The following SORBS2 variants were observed in gnomAD, a reference collection of about 807,000 sequenced individuals.
SORBS2 encodes the protein sorbin and SH3 domain-containing protein 2.
In SORBS2, 46 loss-of-function variants were observed where a neutral mutation model predicts 97.7. The observed-to-expected ratio is 0.47, with a 90% CI of 0.37 to 0.60. The LOEUF (loss-of-function observed/expected upper bound fraction) is 0.60, where lower values mean the gene tolerates loss of function less well. Ranked by LOEUF, SORBS2 falls within the 20% of genes least tolerant of loss-of-function variation. The pLI, the probability that SORBS2 is intolerant of heterozygous loss-of-function variation, is 0.00. For synonymous variants in SORBS2, 476 were observed against 473.4 expected, an observed-to-expected ratio of 1.01 and a Z score of -0.07; for missense variants, 1,316 against 1,282.3, an observed-to-expected ratio of 1.03 and a Z score of -0.40.
chr4:185,884,233 T>A (rs142945432), intron 1 of SORBS2, among the ~76,000 whole-genome samples: 1 of 152,356 alleles, frequency 6.6e-6, no homozygotes, highest in African/African-American at 2.4e-5. Flanking sequence ...GGCATGTTTA[T>A]AGATCCTATA....
chr4:185,919,832 A>G (rs975218060), intron 1 of SORBS2, among the ~76,000 whole-genome samples: 1 of 152,246 alleles, frequency 6.6e-6, no homozygotes, highest in Non-Finnish European at 1.5e-5. Flanking sequence ...TTTTCATGCC[A>G]TGCATCTCTG....
chr4:185,926,151 C>G (rs549821584), intron 1 of SORBS2, among the ~76,000 whole-genome samples: 102 of 152,214 alleles, frequency 6.7e-4, no homozygotes, highest in Admixed American at 3.1e-3. Context: ...TCACGTGAAA[C>G]AAATGGAGGA....
intron 1 of SORBS2, among the ~76,000 whole-genome samples, chr4:185,783,827 C>T (rs1292173325): frequency 2.6e-5 from 4 of 152,140 alleles, no homozygotes; most frequent in African/African-American, 7.2e-5. Context: ...AGAATTCCTT[C>T]GAGGATCATT....
intron 2 of SORBS2, among the ~76,000 whole-genome samples, chr4:185,746,112 G>T (rs995227036): frequency 7.9e-5 from 12 of 152,200 alleles, no homozygotes; most frequent in African/African-American, 2.9e-4. Flanking sequence ...AGATTTACAG[G>T]AGACAATGTT....
chr4:185,620,929 TA>T (rs1374926137), intron 7 of SORBS2, among the ~76,000 whole-genome samples: 2 of 152,206 alleles, frequency 1.3e-5, no homozygotes, highest in African/African-American at 4.8e-5. Flanking sequence ...AAAGCATAAA[TA>T]ATCACATTAC....
At position 185,651,965 on chromosome 4, in the gene SORBS2, CT is replaced by C. The variant is rs1390880849; in HGVS notation, c.91+696del. 1.5e-5 allele frequency: 9 copies of C among 603,092 alleles called. 1 individual carries two copies. The South Asian group carries it at 1.6e-4, about 11-fold the overall frequency. 37.4% of individuals were successfully genotyped at this position (603,092 alleles called of 1,614,324 possible). ...CCTAGTTCATAATGCCATTTTCTTT[CT>C]TTTTTTCTTTTTTTTTAAGAGACAG... On this transcript the variant is annotated intron_variant, in intron 2 of 14. Transcript: ENST00000418609.
At chr4:185,702,184 A>G (rs1336319227) in intron 2 of SORBS2, among the ~76,000 whole-genome samples, 3 of 152,146 alleles carry the variant, frequency 2.0e-5, no homozygotes, top group African/African-American at 7.2e-5. Context: ...TACAGAAAAG[A>G]GGGTTATTTG....
At chr4:185,741,401 TTTG>T (rs2098724898) in intron 2 of SORBS2, among the ~76,000 whole-genome samples, 3 of 115,434 alleles carry the variant, frequency 2.6e-5, no homozygotes, top group African/African-American at 6.8e-5. Flanking sequence ...TTCTTTTTTT[TTTG>T]TTTTTTTTTT....
At chr4:185,620,127 G>A (rs556253484) in exon 8 of SORBS2, 1 of 1,611,606 alleles carries the variant, frequency 6.2e-7, no homozygotes, top group South Asian at 1.1e-5. Flanking sequence ...CAAAGTGGAT[G>A]AGTAACTTCT....
chr4:185,705,757 G>C (rs73015508), intron 2 of SORBS2, among the ~76,000 whole-genome samples: 2,103 of 152,234 alleles, frequency 0.014, 61 homozygotes, highest in African/African-American at 0.048. Context: ...CCATCGTGAA[G>C]TGGTTTGTCA....
At chr4:185,641,323 C>T (rs191168922) in intron 4 of SORBS2, among the ~76,000 whole-genome samples, 24 of 151,964 alleles carry the variant, frequency 1.6e-4, no homozygotes, top group Non-Finnish European at 3.4e-4. Context: ...TGGTAATTAT[C>T]GATAACTTTG....
chr4:185,858,261 G>A, intron 1 of SORBS2, among the ~76,000 whole-genome samples: 1 of 152,188 alleles, frequency 6.6e-6, no homozygotes, highest in East Asian at 1.9e-4. Flanking sequence ...TATAGGAAGA[G>A]GAAGAGAGAC....
intron 4 of SORBS2, among the ~76,000 whole-genome samples, chr4:185,673,046 T>C (rs761756838): frequency 3.9e-5 from 6 of 152,122 alleles, no homozygotes; most frequent in Non-Finnish European, 7.4e-5. Context: ...TTAAAAAAGA[T>C]GGATGTCCTG....
At chr4:185,661,114 T>TA (rs1183630425), upstream of SORBS2, among the ~76,000 whole-genome samples, 1 of 151,734 alleles carries the variant, frequency 6.6e-6, no homozygotes, top group East Asian at 1.9e-4. Flanking sequence ...CTGTCTGTAC[T>TA]AAAAATACAA....
intron 2 of SORBS2, among the ~76,000 whole-genome samples, chr4:185,707,278 G>C (rs1415659798): frequency 6.6e-6 from 1 of 152,188 alleles, no homozygotes; most frequent in African/African-American, 2.4e-5. Context: ...AGTGAGTGAA[G>C]CTTGGGAATG....
At chr4:185,811,570 A>G (rs1371075878) in intron 1 of SORBS2, 94 bp downstream of exon 1, 2 of 152,222 alleles carry the variant, frequency 1.3e-5, no homozygotes, top group African/African-American at 4.8e-5. Flanking sequence ...TTTGTTTGGT[A>G]AATCCAAATC....
chr4:185,784,707 A>ACAG lies in SORBS2; in HGVS notation c.-337-9344_-337-9342dup, dbSNP rs552812817. 1.9e-3 allele frequency among the ~76,000 whole-genome samples: 294 copies of ACAG among 152,348 alleles called. 2 individuals carry two copies. Among genetic ancestry groups the ACAG allele is most frequent in the Non-Finnish European group, 3.2e-3 (216 of 68,030 alleles). ...TTCCTTACATTAGACCGGCTGAACG[A>ACAG]CAGCAATAAACTATTAGGCCTGCCA... On this transcript the variant is annotated intron_variant, in intron 1 of 20. Transcript: ENST00000284776.
At chr4:185,648,523 A>C (rs978989946) in intron 3 of SORBS2, among the ~76,000 whole-genome samples, 2 of 150,710 alleles carry the variant, frequency 1.3e-5, no homozygotes, top group African/African-American at 4.8e-5. Flanking sequence ...GGCATGAGCC[A>C]CCACGCCTGG....
At chr4:185,698,401 G>A (rs1469712534) in intron 2 of SORBS2, among the ~76,000 whole-genome samples, 4 of 152,280 alleles carry the variant, frequency 2.6e-5, no homozygotes, top group Non-Finnish European at 4.4e-5. Context: ...GCTTGAAGCT[G>A]GGAGGTGGAG....
Sources: allele counts gnomAD v4.1 joint callset (sites outside exome capture counted in the v4.1 genomes callset), GRCh38; gene constraint gnomAD v4.1.1; transcripts MANE v1.5; gene names NCBI Gene and HGNC (gene_info 2026-07-23, HGNC 2026-07-21).